RFX7: variants seen among roughly 807,000 people sequenced by gnomAD.
RFX7 encodes the protein DNA-binding protein RFX7.
RFX7 carries 26 observed loss-of-function variants against 111.8 expected under a neutral mutation model. The ratio of observed to expected loss-of-function variants is 0.23; its 90% CI spans 0.17 to 0.32. RFX7 has a LOEUF of 0.32. RFX7 is among the 10% of genes least tolerant of loss of function. The pLI is 1.00. For missense variants in RFX7, 1,573 were observed against 1,772.9 expected, an observed-to-expected ratio of 0.89 and a Z score of 2.02; for synonymous variants, 624 against 624.4, an observed-to-expected ratio of 1.00 and a Z score of 0.01.
intron 5 of RFX7, among the ~76,000 whole-genome samples, chr15:56,107,269 C>T (rs2041841758): frequency 8.6e-6 from 1 of 116,508 alleles, no homozygotes; most frequent in Non-Finnish European, 1.6e-5. Flanking sequence ...TGCACTCCAG[C>T]CTGGGCAGTA....
chr15:56,224,819 A>G (rs1423835235), intron 2 of RFX7, among the ~76,000 whole-genome samples: 3 of 152,066 alleles, frequency 2.0e-5, no homozygotes, highest in Non-Finnish European at 4.4e-5. Context: ...ACTTTTTGAA[A>G]ATCATCCCAC....
chr15:56,238,929 G>A (rs1304311788), intron 2 of RFX7, among the ~76,000 whole-genome samples: 2 of 152,146 alleles, frequency 1.3e-5, no homozygotes, highest in Non-Finnish European at 2.9e-5. Flanking sequence ...CACCTCCTGG[G>A]TTCAAGGGAT....
At chr15:56,164,470 T>C (rs1310086115) in intron 3 of RFX7, among the ~76,000 whole-genome samples, 3 of 152,188 alleles carry the variant, frequency 2.0e-5, no homozygotes, top group African/African-American at 7.2e-5. Flanking sequence ...ACCAATAAGA[T>C]TCCATTAAGC....
chr15:56,122,421 G>A (rs1306637408), intron 5 of RFX7, among the ~76,000 whole-genome samples: 2 of 152,164 alleles, frequency 1.3e-5, no homozygotes, highest in African/African-American at 4.8e-5. Flanking sequence ...CTGGAGCTGG[G>A]GGAGTGGTGA....
intron 3 of RFX7, among the ~76,000 whole-genome samples, chr15:56,145,981 C>G (rs1178321432): frequency 6.6e-6 from 1 of 152,220 alleles, no homozygotes; most frequent in Non-Finnish European, 1.5e-5. Flanking sequence ...CACCACAGTT[C>G]TTGCCCTTAA....
At chr15:56,135,799 G>A (rs1332227378) in intron 5 of RFX7, among the ~76,000 whole-genome samples, 4 of 151,812 alleles carry the variant, frequency 2.6e-5, no homozygotes, top group Admixed American at 6.6e-5. Flanking sequence ...TGTAAAAGGT[G>A]TAAGGAAGGG....
intron 2 of RFX7, among the ~76,000 whole-genome samples, chr15:56,184,566 A>T (rs559058332): frequency 1.8e-4 from 28 of 152,232 alleles, no homozygotes; most frequent in African/African-American, 6.7e-4. Context: ...TAATTCTGGT[A>T]ACATCTGTTT....
intron 5 of RFX7, among the ~76,000 whole-genome samples, chr15:56,137,013 T>C (rs1368352996): frequency 6.6e-6 from 1 of 151,824 alleles, no homozygotes; most frequent in Non-Finnish European, 1.5e-5. Context: ...GCTGGATTCG[T>C]TTTGCCAGTA....
chr15:56,158,938 T>A (rs1487179341), intron 3 of RFX7, among the ~76,000 whole-genome samples: 1 of 152,222 alleles, frequency 6.6e-6, no homozygotes, highest in Non-Finnish European at 1.5e-5. Flanking sequence ...TACAGCTTAT[T>A]CTTCCTATCT....
intron 2 of RFX7, among the ~76,000 whole-genome samples, chr15:56,187,294 T>C (rs1276606420): frequency 1.3e-5 from 2 of 150,812 alleles, no homozygotes; most frequent in African/African-American, 4.9e-5. Context: ...CACTGCAACC[T>C]CCGCCTCCTG....
chr15:56,183,614 C>T (rs2043001056), intron 2 of RFX7, among the ~76,000 whole-genome samples: 2 of 152,086 alleles, frequency 1.3e-5, no homozygotes, highest in African/African-American at 4.8e-5. Flanking sequence ...AAATTTATTA[C>T]TGTTATAAAA....
intron 5 of RFX7, among the ~76,000 whole-genome samples, chr15:56,133,909 T>C (rs575209805): frequency 6.6e-6 from 1 of 152,286 alleles, no homozygotes; most frequent in African/African-American, 2.4e-5. Flanking sequence ...CTAGCACATG[T>C]CATGTTGTTA....
chr15:56,159,123 C>G (rs2042690124), intron 3 of RFX7, among the ~76,000 whole-genome samples: 1 of 152,180 alleles, frequency 6.6e-6, no homozygotes, highest in Admixed American at 6.5e-5. Flanking sequence ...GCTTATTTCA[C>G]TTAGTATAAT....
intron 5 of RFX7, among the ~76,000 whole-genome samples, chr15:56,123,030 A>C (rs575809002): frequency 6.6e-6 from 1 of 151,892 alleles, no homozygotes; most frequent in South Asian, 2.1e-4. Context: ...GGGACCCCAA[A>C]AGCCCTCTTG....
intron 5 of RFX7, among the ~76,000 whole-genome samples, chr15:56,137,529 C>T (rs771351986): frequency 5.3e-5 from 8 of 152,050 alleles, no homozygotes; most frequent in Non-Finnish European, 7.4e-5. Flanking sequence ...GTCTTGCTAG[C>T]GGTCTATCAA....
At chr15:56,178,004 TTA>T (rs2042920882) in intron 3 of RFX7, among the ~76,000 whole-genome samples, 1 of 152,218 alleles carries the variant, frequency 6.6e-6, no homozygotes, top group East Asian at 1.9e-4. Context: ...TTTGTATTCC[TTA>T]TGAGTAAAAC....
chr15:56,134,486 C>A (rs1347894517), intron 5 of RFX7, among the ~76,000 whole-genome samples: 3 of 151,928 alleles, frequency 2.0e-5, no homozygotes, highest in Non-Finnish European at 4.4e-5. Flanking sequence ...TAGAATAATT[C>A]TCTCCAATTC....
chr15:56,191,973 C>T (rs1303583808), intron 2 of RFX7, among the ~76,000 whole-genome samples: 1 of 152,136 alleles, frequency 6.6e-6, no homozygotes, highest in Non-Finnish European at 1.5e-5. Context: ...CTTGTGACTG[C>T]CACACAGCAA....
In RFX7 at chr15:56,224,467, T is replaced by TGTGTGTGTGTGTGTGTG. The variant is rs111880963; in HGVS notation, c.161+18657_161+18658insCACACACACACACACAC. Among the ~76,000 whole-genome samples the TGTGTGTGTGTGTGTGTG allele has an allele frequency of 4.1e-5, 6 of 147,310 alleles. No individual in the cohort carries two copies. In the East Asian group the frequency reaches 1.0e-3, roughly 25 times the overall value. ...ACTCTCTTTTGCCAAGATTAGGATTTTGTGTGTGTGTGTGTGTGTGTGTGT... is the reference window on the plus strand; with the variant it reads ...ACTCTCTTTTGCCAAGATTAGGATTTGTGTGTGTGTGTGTGTGTGTGTGTGTGTGTGTGTGTGTGTGT... On this transcript the variant is annotated intron_variant, in intron 2 of 9. Transcript: ENST00000559447.
Sources: allele counts gnomAD v4.1 joint callset (sites outside exome capture counted in the v4.1 genomes callset), GRCh38; gene constraint gnomAD v4.1.1; transcripts MANE v1.5; gene names NCBI Gene and HGNC (gene_info 2026-07-23, HGNC 2026-07-21).